SPATA31D3: variants seen among roughly 807,000 people sequenced by gnomAD.
SPATA31D3 encodes spermatogenesis-associated protein 31D3.
For missense variants in SPATA31D3, 91 were observed against 297.9 expected (o/e 0.31, Z 5.11); for synonymous variants, 27 against 107.8 (o/e 0.25, Z 4.65).
Position 81,947,912 on chromosome 9 carries a change from CAGG to C in SPATA31D3, c.2662_2664del (p.Glu888del), listed in dbSNP as rs753339246. On this transcript the variant is annotated inframe_deletion, in exon 4 of 4. Coordinates refer to ENST00000445385, the MANE Select transcript of SPATA31D3 (RefSeq NM_207416.3). ...TGAGGACCACCGCGTTGATACCTCC[CAGG>C]AGATGTCCTTCCTTAGTTCCAACAA... 7.4e-6 allele frequency: 12 copies of C among 1,611,416 alleles called. No individual in the cohort carries two copies. The highest frequency in any genetic ancestry group is 1.0e-5 in the Non-Finnish European group (12 of 1,179,154).
chr9:81,945,706 C>G lies in SPATA31D3; in HGVS notation c.453C>G (p.Pro151=). Residue 151 remains proline (P), a synonymous_variant, in exon 4 of 4, where the codon CCC becomes CCG. Coordinates refer to ENST00000445385, the MANE Select transcript of SPATA31D3 (RefSeq NM_207416.3). ...GGGAGTCCCTGAAAGATGCTGCTCC[C>G]TCTGTGTCCCCTTTGGCTTCTTCAG... ...LSWESLKDAA[P]SVSPLASSAS... 2 of 81,104 alleles carry G rather than the reference C, an allele frequency of 2.5e-5. No individual in the cohort carries two copies. The highest frequency in any genetic ancestry group is 4.1e-4 in the Admixed American group (2 of 4,874). The allele number at this position is 81,104 out of a possible 1,614,324, so 5.0% of individuals were successfully genotyped here.
chr9:81,949,806 C>G lies in SPATA31D3; in HGVS notation c.*1799C>G. 1.6e-6 allele frequency: 2 copies of G among 1,243,294 alleles called. No homozygotes were observed. The highest frequency in any genetic ancestry group is 2.3e-6 in the Non-Finnish European group (2 of 851,926). 77.0% of individuals were successfully genotyped at this position (1,243,294 alleles called of 1,614,324 possible). A position where few individuals can be genotyped will look rare whatever the true frequency, so the allele number is the denominator to read the frequency against. On this transcript the variant is annotated 3_prime_UTR_variant, in exon 4 of 4. Coordinates refer to ENST00000445385, the MANE Select transcript of SPATA31D3 (RefSeq NM_207416.3). Reference sequence around the variant, plus strand: ...AGATCATAGACAAGGACAGATAGCCCCAGGAAGTTGGACATTTAAGGGGAA... The same window carrying G: ...AGATCATAGACAAGGACAGATAGCCGCAGGAAGTTGGACATTTAAGGGGAA...
Position 81,949,783 on chromosome 9 carries a change from A to C in SPATA31D3, c.*1776A>C. 1 of 1,327,226 alleles carries C rather than the reference A, an allele frequency of 7.5e-7. No homozygotes were observed. Among genetic ancestry groups the C allele is most frequent in the South Asian group, 1.2e-5 (1 of 84,670 alleles). 82.2% of individuals were successfully genotyped at this position (1,327,226 alleles called of 1,614,324 possible). The stretch of plus-strand genomic sequence containing the variant: ...GAATTATCCTGCAATGATTAGACAG[A>C]TCATAGACAAGGACAGATAGCCCCA... On this transcript the variant is annotated 3_prime_UTR_variant, in exon 4 of 4. Transcript: ENST00000445385.
rs1397016776 is a variant in SPATA31D3, at chr9:81,949,420, G to T, written c.*1413G>T. On this transcript the variant is annotated 3_prime_UTR_variant, in exon 4 of 4. Coordinates refer to ENST00000445385, the MANE Select transcript of SPATA31D3 (RefSeq NM_207416.3). ...ACCCATCATAACATATGGAAAACAA[G>T]AAAGTTCCTAGGAAAAGGGTAGCTC... 2 of 368,460 alleles carry T rather than the reference G, an allele frequency of 5.4e-6. No homozygotes were observed. Among genetic ancestry groups the T allele is most frequent in the African/African-American group, 2.1e-5 (1 of 48,178 alleles). The allele number at this position is 368,460 out of a possible 1,614,324, so 22.8% of individuals were successfully genotyped here.
rs1231001797 is a variant in SPATA31D3, at chr9:81,949,440, T to A, written c.*1433T>A. On this transcript the variant is annotated 3_prime_UTR_variant, in exon 4 of 4. Transcript: ENST00000445385. ...AACAAGAAAGTTCCTAGGAAAAGGG[T>A]AGCTCCTTGTCATCATCTGTGCAGA... 17 of 392,284 alleles carry A rather than the reference T, an allele frequency of 4.3e-5. No individual in the cohort carries two copies. Among genetic ancestry groups the A allele is most frequent in the Non-Finnish European group, 6.5e-5 (13 of 201,510 alleles). 24.3% of individuals were successfully genotyped at this position (392,284 alleles called of 1,614,324 possible). A position where few individuals can be genotyped will look rare whatever the true frequency, so the allele number is the denominator to read the frequency against.
chr9:81,949,515 T>A lies in SPATA31D3; in HGVS notation c.*1508T>A. The A allele has an allele frequency of 1.8e-6, 1 of 553,246 alleles. No homozygotes were observed. The highest frequency in any genetic ancestry group is 3.4e-6 in the Non-Finnish European group (1 of 295,208). 34.3% of individuals were successfully genotyped at this position (553,246 alleles called of 1,614,324 possible). On this transcript the variant is annotated 3_prime_UTR_variant, in exon 4 of 4. Coordinates refer to ENST00000445385, the MANE Select transcript of SPATA31D3 (RefSeq NM_207416.3). ...CTGTCTTTACTGGGACTATTGAAGC[T>A]CAGAAAATTAGGAAAGACACTGGGG...
Position 81,949,689 on chromosome 9 carries a change from C to G in SPATA31D3, c.*1682C>G. The stretch of plus-strand genomic sequence containing the variant: ...AGCCTGTCCAGGGCTATCCCTGCAA[C>G]TACATGGCTCCCTCCTGCAAAGTGA... On this transcript the variant is annotated 3_prime_UTR_variant, in exon 4 of 4. Coordinates refer to ENST00000445385, the MANE Select transcript of SPATA31D3 (RefSeq NM_207416.3). 3 of 1,347,878 alleles carry G rather than the reference C, an allele frequency of 2.2e-6. No individual in the cohort carries two copies. The highest frequency in any genetic ancestry group is 1.7e-5 in the Admixed American group (1 of 58,958). The allele number at this position is 1,347,878 out of a possible 1,614,324, so 83.5% of individuals were successfully genotyped here.
At position 81,949,805 on chromosome 9, in the gene SPATA31D3, C is replaced by T. The variant is rs1823998734; in HGVS notation, c.*1798C>T. The T allele has an allele frequency of 1.2e-5, 15 of 1,245,768 alleles. No individual in the cohort carries two copies. The East Asian group carries it at 3.5e-4, about 29-fold the overall frequency. The allele number at this position is 1,245,768 out of a possible 1,614,324, so 77.2% of individuals were successfully genotyped here. A position where few individuals can be genotyped will look rare whatever the true frequency, so the allele number is the denominator to read the frequency against. ...CAGATCATAGACAAGGACAGATAGC[C>T]CCAGGAAGTTGGACATTTAAGGGGA... On this transcript the variant is annotated 3_prime_UTR_variant, in exon 4 of 4. Transcript: ENST00000445385.
At position 81,949,653 on chromosome 9, in the gene SPATA31D3, G is replaced by A. The variant is rs1365939498; in HGVS notation, c.*1646G>A. 9.8e-7 allele frequency: 1 copy of A among 1,018,284 alleles called. No homozygotes were observed. The highest frequency in any genetic ancestry group is 2.4e-5 in the East Asian group (1 of 41,192). The allele number at this position is 1,018,284 out of a possible 1,614,324, so 63.1% of individuals were successfully genotyped here. On this transcript the variant is annotated 3_prime_UTR_variant, in exon 4 of 4. Coordinates refer to ENST00000445385, the MANE Select transcript of SPATA31D3 (RefSeq NM_207416.3). ...AATCTCAGAATGTGCCAGAACTGCA[G>A]GTCAGAGCAGAGCCTGTCCAGGGCT...
chr9:81,945,535 TC>T lies in SPATA31D3; in HGVS notation c.294-10del. On this transcript the variant is annotated splice_polypyrimidine_tract_variant and intron_variant, in intron 3 of 3. Transcript: ENST00000445385. ...ACAGATCCTCATTTCCTTGTTCTGA[TC>T]CTGGCTGCAGCTTTGGACCTCCTGT... The T allele has an allele frequency of 9.1e-6, 1 of 109,542 alleles. No individual in the cohort carries two copies. Among genetic ancestry groups the T allele is most frequent in the Non-Finnish European group, 1.6e-5 (1 of 63,832 alleles). The allele number at this position is 109,542 out of a possible 1,614,324, so 6.8% of individuals were successfully genotyped here.
rs1441930852 is a variant in SPATA31D3 at position 81,949,457 on chromosome 9, C to T, written c.*1450C>T. 3 of 425,670 alleles carry T rather than the reference C, an allele frequency of 7.0e-6. No individual in the cohort carries two copies. The highest frequency in any genetic ancestry group is 9.0e-6 in the Non-Finnish European group (2 of 221,464). 26.4% of individuals were successfully genotyped at this position (425,670 alleles called of 1,614,324 possible). On this transcript the variant is annotated 3_prime_UTR_variant, in exon 4 of 4. Transcript: ENST00000445385. Reference sequence around the variant, plus strand: ...GAAAAGGGTAGCTCCTTGTCATCATCTGTGCAGAATAGAGGTCGAGTTAAA... The same window carrying T: ...GAAAAGGGTAGCTCCTTGTCATCATTTGTGCAGAATAGAGGTCGAGTTAAA...
At chr9:81,945,273 C>CTTTTTTTT (rs769927001) in intron 3 of SPATA31D3, 41 bp downstream of exon 3, 1,150 of 91,514 alleles carry the variant, frequency 0.013, 211 homozygotes, top group Middle Eastern at 0.018. Context: ...CCACCGCCTT[C>CTTTTTTTT]TTTTTTTTTT....
At position 81,947,598 on chromosome 9, in the gene SPATA31D3, T is replaced by C. The variant is rs1823909292; in HGVS notation, c.2345T>C (p.Leu782Pro). Reference sequence around the variant, plus strand: ...CAGGAGACTGCCCCAAAAAACCATCTCTTGCATGATCCGGAGACATCTTCA... The same window carrying C: ...CAGGAGACTGCCCCAAAAAACCATCCCTTGCATGATCCGGAGACATCTTCA... ...CSQETAPKNH[L>P]LHDPETSSEE... Residue 782 changes from leucine to proline, a missense_variant, in exon 4 of 4, where the codon CTC becomes CCC. By Grantham distance (98) the Leu-to-Pro change is moderately conservative. Coordinates refer to ENST00000445385, the MANE Select transcript of SPATA31D3 (RefSeq NM_207416.3). 11 of 1,569,960 alleles carry C rather than the reference T, an allele frequency of 7.0e-6. 1 individual carries two copies. The highest frequency in any genetic ancestry group is 8.7e-6 in the Non-Finnish European group (10 of 1,155,232).
chr9:81,945,266 C>T (rs1158750461), intron 3 of SPATA31D3, 34 bp downstream of exon 3: 2 of 471,310 alleles, frequency 4.2e-6, no homozygotes, highest in Non-Finnish European at 6.7e-6. Context: ...CCTGTTCCCA[C>T]CGCCTTCTTT....
chr9:81,948,182 G>A lies in SPATA31D3; in HGVS notation c.*175G>A. 2.3e-6 allele frequency: 3 copies of A among 1,297,880 alleles called. No individual in the cohort carries two copies. Among genetic ancestry groups the A allele is most frequent in the Non-Finnish European group, 3.1e-6 (3 of 952,874 alleles). The allele number at this position is 1,297,880 out of a possible 1,614,324, so 80.4% of individuals were successfully genotyped here. On this transcript the variant is annotated 3_prime_UTR_variant, in exon 4 of 4. Coordinates refer to ENST00000445385, the MANE Select transcript of SPATA31D3 (RefSeq NM_207416.3). The stretch of plus-strand genomic sequence containing the variant: ...TCTTGTAGACGAAGCACTTTTCAAG[G>A]AGAAAAGTTGGGAACAACAAGCTCA...
chr9:81,949,909 A>C lies in SPATA31D3; in HGVS notation c.*1902A>C, dbSNP rs1564155082. The C allele has an allele frequency of 1.6e-6, 1 of 641,880 alleles. No homozygotes were observed. The highest frequency in any genetic ancestry group is 2.6e-5 in the Admixed American group (1 of 37,948). The allele number at this position is 641,880 out of a possible 1,614,324, so 39.8% of individuals were successfully genotyped here. ...CAGCCAAACCCCACTTGCAGTGTGA[A>C]GTCAACCTGGTGCCTCCGGTCATCC... is the stretch of plus-strand genomic sequence containing the variant. On this transcript the variant is annotated 3_prime_UTR_variant, in exon 4 of 4. Coordinates refer to ENST00000445385, the MANE Select transcript of SPATA31D3 (RefSeq NM_207416.3).
rs1406568957 is a variant in SPATA31D3, at chr9:81,947,962, T to C, written c.2709T>C (p.His903=). The part of the protein sequence containing the change: ...SSNKQKMLEA[H]IKSFHMKPIL... The stretch of plus-strand genomic sequence containing the variant: ...ACAAACAAAAGATGTTGGAAGCCCA[T>C]ATTAAATCTTTCCATATGAAGCCCA... The change falls in exon 4 of 4, where the codon CAT becomes CAC. Residue 903 remains histidine, a synonymous_variant. Transcript: ENST00000445385. The C allele has an allele frequency of 6.4e-7, 1 of 1,556,634 alleles. No homozygotes were observed. Among genetic ancestry groups the C allele is most frequent in the Non-Finnish European group, 8.7e-7 (1 of 1,154,796 alleles).
In SPATA31D3 at chr9:81,949,596, G is replaced by T. The variant is rs1000678337; in HGVS notation, c.*1589G>T. 3 of 668,374 alleles carry T rather than the reference G, an allele frequency of 4.5e-6. No individual in the cohort carries two copies. In the African/African-American group the frequency reaches 5.4e-5, roughly 12 times the overall value. The allele number at this position is 668,374 out of a possible 1,614,324, so 41.4% of individuals were successfully genotyped here. A position where few individuals can be genotyped will look rare whatever the true frequency, so the allele number is the denominator to read the frequency against. ...ATTGAATAGATATCACCTGTCCCCA[G>T]GAGCCCCTTTCCTCCCCAGTGCAGC... On this transcript the variant is annotated 3_prime_UTR_variant, in exon 4 of 4. Coordinates refer to ENST00000445385, the MANE Select transcript of SPATA31D3 (RefSeq NM_207416.3).
rs1284633596 is a variant in SPATA31D3, at chr9:81,948,167, G to A, written c.*160G>A. 26 of 1,384,676 alleles carry A rather than the reference G, an allele frequency of 1.9e-5. No individual in the cohort carries two copies. Among genetic ancestry groups the A allele is most frequent in the Middle Eastern group, 1.9e-4 (1 of 5,246 alleles). 85.8% of individuals were successfully genotyped at this position (1,384,676 alleles called of 1,614,324 possible). Reference sequence around the variant, plus strand: ...GATGGGGTCTCTAAGTCTTGTAGACGAAGCACTTTTCAAGGAGAAAAGTTG... The same window carrying A: ...GATGGGGTCTCTAAGTCTTGTAGACAAAGCACTTTTCAAGGAGAAAAGTTG... On this transcript the variant is annotated 3_prime_UTR_variant, in exon 4 of 4. Coordinates refer to ENST00000445385, the MANE Select transcript of SPATA31D3 (RefSeq NM_207416.3).
Sources: allele counts gnomAD v4.1 joint callset, GRCh38; gene constraint gnomAD v4.1.1; transcripts MANE v1.5; gene names NCBI Gene and HGNC (gene_info 2026-07-23, HGNC 2026-07-21).